Variants in CTNNA3 observed in about 807,000 individuals in gnomAD.
CTNNA3 encodes catenin alpha-3.
In CTNNA3, 76 loss-of-function variants were observed where a neutral mutation model predicts 95.7. The observed-to-expected ratio is 0.79, with a 90% CI of 0.66 to 0.96. CTNNA3 has a LOEUF of 0.96. Ranked by LOEUF, CTNNA3 falls within the 40% of genes least tolerant of loss-of-function variation. The pLI is 0.00. For synonymous variants in CTNNA3, 431 were observed against 374.4 expected, an observed-to-expected ratio of 1.15 and a Z score of -1.74; for missense variants, 1,191 against 1,089.8, an observed-to-expected ratio of 1.09 and a Z score of -1.31.
In CTNNA3 at chr10:65,982,320, T is replaced by C. The variant is rs533077615; in HGVS notation, c.2265+6372A>G. Among the ~76,000 whole-genome samples, 3 of 151,022 alleles carry C rather than the reference T, an allele frequency of 2.0e-5. No homozygotes were observed. The East Asian group carries it at 5.8e-4, about 29-fold the overall frequency. On this transcript the variant is annotated intron_variant, in intron 16 of 17. Coordinates refer to ENST00000433211, the MANE Select transcript of CTNNA3 (RefSeq NM_013266.4). ...AGATACCACCTTACTCTTGTAAGAA[T>C]GGCCATGATCAGAAAAAACAAAACA...
At chr10:66,845,716 A>AAC (rs1843234671) in intron 7 of CTNNA3, among the ~76,000 whole-genome samples, 2 of 127,044 alleles carry the variant, frequency 1.6e-5, no homozygotes, top group African/African-American at 5.9e-5. Context: ...AAAAAAAAAA[A>AAC]AAAAAAAAAA....
chr10:66,089,689 T>G (rs994546134), intron 14 of CTNNA3, among the ~76,000 whole-genome samples: 1 of 151,724 alleles, frequency 6.6e-6, no homozygotes, highest in African/African-American at 2.4e-5. Flanking sequence ...TTATATGCAT[T>G]ATTTCTAATT....
At chr10:67,606,143 CA>C (rs1843265687) in intron 3 of CTNNA3, among the ~76,000 whole-genome samples, 1 of 152,126 alleles carries the variant, frequency 6.6e-6, no homozygotes, top group South Asian at 2.1e-4. Flanking sequence ...CAAAGCTGAA[CA>C]AGAAAATTTA....
intron 12 of CTNNA3, 44 bp downstream of exon 12, chr10:66,379,108 T>C (rs748363012): frequency 1.6e-5 from 24 of 1,479,018 alleles, no homozygotes; most frequent in Non-Finnish European, 2.3e-5. Context: ...CTATGTAGAT[T>C]CAAATAAGAG....
At chr10:66,193,642 C>A (rs2086794789) in intron 13 of CTNNA3, among the ~76,000 whole-genome samples, 3 of 152,096 alleles carry the variant, frequency 2.0e-5, no homozygotes, top group Non-Finnish European at 4.4e-5. Flanking sequence ...TAGATGTGAA[C>A]CTTATAGAGG....
intron 9 of CTNNA3, among the ~76,000 whole-genome samples, chr10:66,633,504 C>T (rs6480187): frequency 0.72 from 109,018 of 151,528 alleles, 40,764 homozygotes; most frequent in African/African-American, 0.92. Flanking sequence ...CATGGTGAAA[C>T]CCCGTCTCTA....
At chr10:66,242,984 A>G (rs907400498) in intron 13 of CTNNA3, among the ~76,000 whole-genome samples, 2 of 152,188 alleles carry the variant, frequency 1.3e-5, no homozygotes, top group African/African-American at 4.8e-5. Flanking sequence ...GATAGAATGG[A>G]TCTCCCTTTC....
intron 7 of CTNNA3, among the ~76,000 whole-genome samples, chr10:66,965,548 A>AG (rs543131155): frequency 0.017 from 2,067 of 122,868 alleles, 58 homozygotes; most frequent in African/African-American, 0.056. Flanking sequence ...AAGAAAGAAA[A>AG]GAAAAAAAAA....
At chr10:67,728,651 C>G (rs1841258163) in intron 1 of CTNNA3, among the ~76,000 whole-genome samples, 1 of 151,688 alleles carries the variant, frequency 6.6e-6, no homozygotes, top group South Asian at 2.1e-4. Flanking sequence ...TATGTATATG[C>G]ATGTATTTGT....
intron 10 of CTNNA3, among the ~76,000 whole-genome samples, chr10:66,546,961 T>C (rs1156626241): frequency 1.3e-5 from 2 of 152,190 alleles, no homozygotes; most frequent in African/African-American, 4.8e-5. Flanking sequence ...GAATTTTAAA[T>C]TGCAGTGACT....
chr10:66,389,831 T>C (rs1461283406), intron 11 of CTNNA3, among the ~76,000 whole-genome samples: 3 of 151,648 alleles, frequency 2.0e-5, no homozygotes, highest in Non-Finnish European at 2.9e-5. Context: ...CTCAAACTCT[T>C]GGGCCCAAGT....
intron 12 of CTNNA3, among the ~76,000 whole-genome samples, chr10:66,304,941 G>A (rs1272517940): frequency 6.6e-6 from 1 of 152,054 alleles, no homozygotes; most frequent in Non-Finnish European, 1.5e-5. Context: ...ATATTTCCTA[G>A]TTTTCAAAGG....
At chr10:66,622,494 C>G (rs1280166471) in intron 9 of CTNNA3, among the ~76,000 whole-genome samples, 4 of 152,096 alleles carry the variant, frequency 2.6e-5, no homozygotes, top group Non-Finnish European at 5.9e-5. Context: ...TTTCTTCAGA[C>G]CATGAAAGAG....
In CTNNA3 at chr10:67,691,341, G is replaced by A. The variant is rs559149382; in HGVS notation, c.-6+4659C>T. 9.2e-5 allele frequency among the ~76,000 whole-genome samples: 14 copies of A among 152,258 alleles called. No individual in the cohort carries two copies. The East Asian group carries it at 9.7e-4, about 11-fold the overall frequency. On this transcript the variant is annotated intron_variant, in intron 1 of 17. Coordinates refer to ENST00000433211, the MANE Select transcript of CTNNA3 (RefSeq NM_013266.4). ...CGTCTGGGAAGTGAGGAGCATCTCC[G>A]CCTGGCCGCCCATCATCTGGGATGT...
intron 11 of CTNNA3, among the ~76,000 whole-genome samples, chr10:66,395,246 A>G (rs2092966563): frequency 1.3e-5 from 2 of 152,034 alleles, no homozygotes; most frequent in Non-Finnish European, 2.9e-5. Context: ...TCAGAGGTGC[A>G]CAAAAATTGT....
intron 7 of CTNNA3, among the ~76,000 whole-genome samples, chr10:67,079,291 C>T (rs1564876708): frequency 6.6e-6 from 1 of 152,162 alleles, no homozygotes; most frequent in Non-Finnish European, 1.5e-5. Flanking sequence ...ATCATAAATA[C>T]AGACATCATG....
intron 9 of CTNNA3, among the ~76,000 whole-genome samples, chr10:66,678,458 G>A (rs994831914): frequency 5.3e-5 from 8 of 152,072 alleles, no homozygotes; most frequent in Non-Finnish European, 8.8e-5. Flanking sequence ...ATGCACACAT[G>A]CATACACATA....
chr10:66,436,055 T>C (rs993477841), intron 11 of CTNNA3, among the ~76,000 whole-genome samples: 3 of 152,208 alleles, frequency 2.0e-5, no homozygotes, highest in Admixed American at 2.0e-4. Context: ...TGTTATTATT[T>C]CCATTTATTT....
chr10:66,748,166 G>T (rs541643398), intron 9 of CTNNA3, among the ~76,000 whole-genome samples: 1 of 152,260 alleles, frequency 6.6e-6, no homozygotes, highest in Admixed American at 6.5e-5. Context: ...AATTGAAAAA[G>T]TTTGATTACA....
Sources: gnomAD v4.1 joint callset for allele counts (sites outside exome capture counted in the v4.1 genomes callset) on GRCh38, gnomAD v4.1.1 for gene constraint, MANE v1.5 for transcripts, NCBI Gene and HGNC (gene_info 2026-07-23, HGNC 2026-07-21) for gene names.